FERMT2: variants seen among roughly 807,000 people sequenced by gnomAD.
The protein encoded by FERMT2 is FERM domain containing kindlin 2.
Under a neutral mutation model 82.7 loss-of-function variants are expected in FERMT2, and 15 were observed. That is an observed-to-expected ratio of 0.18 (90% confidence interval 0.12 to 0.28). The LOEUF is 0.28. Among genes scored for constraint, FERMT2 ranks in the 10% least tolerant of loss-of-function variants. The probability of loss-of-function intolerance (pLI) is 1.00; values close to 1 mark genes in which losing one functional copy is unlikely to be tolerated. For missense variants in FERMT2, 645 were observed against 809.4 expected (o/e 0.80, Z 2.46); for synonymous variants, 274 against 271.5 (o/e 1.01, Z -0.09).
chr14:52,860,858 G>A (rs1884885492), intron 12 of FERMT2: 1 of 661,758 alleles, frequency 1.5e-6, no homozygotes, highest in African/African-American at 1.9e-5. Context: ...GTTTCTAGCA[G>A]GAATATTTGT....
At chr14:52,938,819 G>A (rs1390658080) in intron 2 of FERMT2, among the ~76,000 whole-genome samples, 1 of 151,996 alleles carries the variant, frequency 6.6e-6, no homozygotes, top group Non-Finnish European at 1.5e-5. Context: ...GCCCATCTTG[G>A]CCTCCCTAAG....
intron 4 of FERMT2, among the ~76,000 whole-genome samples, chr14:52,890,048 G>T (rs984158909): frequency 6.6e-6 from 1 of 150,530 alleles, no homozygotes; most frequent in Non-Finnish European, 1.5e-5. Flanking sequence ...AGAATTGCCT[G>T]TATCTTGGCT....
At chr14:52,946,551 G>T (rs535892220) in intron 2 of FERMT2, among the ~76,000 whole-genome samples, 2 of 152,292 alleles carry the variant, frequency 1.3e-5, no homozygotes, top group African/African-American at 4.8e-5. Context: ...TACTCAGGAA[G>T]CTAAGGCAAG....
At chr14:52,873,292 C>A (rs1444498170) in intron 9 of FERMT2, among the ~76,000 whole-genome samples, 1 of 152,178 alleles carries the variant, frequency 6.6e-6, no homozygotes, top group Admixed American at 6.5e-5. Flanking sequence ...TAATTACCTG[C>A]AGGTTTATGG....
At chr14:52,899,123 G>T (rs955735423) in intron 3 of FERMT2, among the ~76,000 whole-genome samples, 1 of 152,036 alleles carries the variant, frequency 6.6e-6, no homozygotes, top group South Asian at 2.1e-4. Flanking sequence ...AGTAGATAAA[G>T]CAGTTCTTAA....
chr14:52,944,561 G>A (rs998637035), intron 2 of FERMT2, among the ~76,000 whole-genome samples: 4 of 152,118 alleles, frequency 2.6e-5, no homozygotes, highest in African/African-American at 7.2e-5. Context: ...TTTGTGTAAC[G>A]AAGCCCCTCA....
At chr14:52,860,288 A>C (rs1356201628) in intron 13 of FERMT2, 53 bp downstream of exon 13, 7 of 1,582,188 alleles carry the variant, frequency 4.4e-6, no homozygotes, top group East Asian at 2.2e-5. Flanking sequence ...CATGAGGTAG[A>C]TTAAGCAAAA....
chr14:52,898,022 A>G (rs1011123294), intron 3 of FERMT2, among the ~76,000 whole-genome samples: 2 of 151,760 alleles, frequency 1.3e-5, no homozygotes, highest in African/African-American at 4.8e-5. Flanking sequence ...CCACAAAGAA[A>G]GAAACACTGT....
At chr14:52,950,858 C>A (rs747599824) in intron 1 of FERMT2, 63 bp downstream of exon 1, 25 of 268,528 alleles carry the variant, frequency 9.3e-5, no homozygotes, top group Middle Eastern at 1.1e-3. Context: ...ACAGCGCGGG[C>A]TGACTCCCCG....
At chr14:52,864,998 T>C (rs1885182555) in intron 10 of FERMT2, 145 bp from the exon 11 acceptor site, 2 of 605,526 alleles carry the variant, frequency 3.3e-6, no homozygotes, top group Non-Finnish European at 5.9e-6. Context: ...GAAGGTAACA[T>C]ACACATATAC....
chr14:52,864,559 C>A lies in FERMT2; in HGVS notation c.1444G>T (p.Asp482Tyr). 6.2e-7 allele frequency: 1 copy of A among 1,614,154 alleles called. No homozygotes were observed. Among genetic ancestry groups the A allele is most frequent in the Non-Finnish European group, 8.5e-7 (1 of 1,180,016 alleles). ...RLASKGKTMA[D>Y]SSYNLEVQNI... ...TGAACTTCTAAGTTGTAAGAACTGT[C>A]CGCCATGGTCTTGCCTTTGGAGGCT... The change falls in exon 12 of 15, where the codon GAC becomes TAC. Residue 482 changes from aspartate (D) to tyrosine (Y), a missense_variant. By Grantham distance (160) the Asp-to-Tyr change is radical. Coordinates refer to ENST00000341590, the MANE Select transcript of FERMT2 (RefSeq NM_006832.3).
In FERMT2 at chr14:52,858,345, G is replaced by A. The variant is rs201224715; in HGVS notation, c.*32C>T. ...AGCTTTTAAAGTTAAATATTGTTAT[G>A]GCCGTGGAGTTTCATTAAACAGTAT... On this transcript the variant is annotated 3_prime_UTR_variant, in exon 15 of 15. Transcript: ENST00000341590. 530 of 1,564,536 alleles carry A rather than the reference G, an allele frequency of 3.4e-4. 2 individuals are homozygous for A. In the South Asian group the frequency reaches 4.1e-3, roughly 12 times the overall value.
intron 12 of FERMT2, chr14:52,863,114 C>T (rs1371916845): frequency 1.3e-5 from 2 of 152,132 alleles, no homozygotes; most frequent in Non-Finnish European, 2.9e-5. Context: ...TTTTAACTTA[C>T]AATCTACATT....
chr14:52,881,749 A>G (rs924746038), intron 4 of FERMT2: 7 of 1,336,530 alleles, frequency 5.2e-6, no homozygotes, highest in Non-Finnish European at 6.9e-6. Context: ...ATATAGCTGA[A>G]GCAGACAGAC....
In FERMT2 at chr14:52,919,325, G is replaced by A. The variant is rs748512642; in HGVS notation, c.189C>T (p.Leu63=). ...DVKKDWSDHA[L]WWEKKRTWLL... is the part of the protein sequence containing the mutation. Reference sequence around the variant, plus strand: ...GCCAAGTTCTCTTCTTTTCCCACCAGAGAGCATGGTCAGACCAATCTTTTT... The same window carrying A: ...GCCAAGTTCTCTTCTTTTCCCACCAAAGAGCATGGTCAGACCAATCTTTTT... Residue 63 remains leucine, a synonymous_variant, in exon 3 of 15, where the codon CTC becomes CTT. Transcript: ENST00000341590. The A allele has an allele frequency of 4.3e-6, 7 of 1,613,520 alleles. No homozygotes were observed. The highest frequency in any genetic ancestry group is 1.3e-5 in the African/African-American group (1 of 74,874).
chr14:52,872,755 T>G (rs966391462), intron 10 of FERMT2, 44 bp downstream of exon 10: 1 of 1,607,044 alleles, frequency 6.2e-7, no homozygotes, highest in East Asian at 2.2e-5. Context: ...ATTAGGCCAA[T>G]GGGGATGCCA....
intron 3 of FERMT2, among the ~76,000 whole-genome samples, chr14:52,916,364 G>GAA (rs142759296): frequency 4.3e-5 from 6 of 140,026 alleles, no homozygotes; most frequent in African/African-American, 1.3e-4. Context: ...AAGAAGAAAA[G>GAA]AAAAAAAAAA....
At position 52,865,276 on chromosome 14, in the gene FERMT2, G is replaced by A. The variant is rs192054085; in HGVS notation, c.1274-423C>T. ...GTGGAGGTTGCAGTGAGCTGAGATC[G>A]CACCGTTGCACTCCAGCCTGGGCAA... On this transcript the variant is annotated intron_variant, in intron 10 of 14. Transcript: ENST00000341590. Among the ~76,000 whole-genome samples, 845 of 152,256 alleles carry A rather than the reference G, an allele frequency of 5.5e-3. 4 individuals carry two copies. Among genetic ancestry groups the A allele is most frequent in the Non-Finnish European group, 8.7e-3 (594 of 68,008 alleles).
Position 52,859,564 on chromosome 14 carries a change from T to C in FERMT2, c.1869+9A>G, listed in dbSNP as rs537045234. On this transcript the variant is annotated intron_variant, in intron 14 of 14. Coordinates refer to ENST00000341590, the MANE Select transcript of FERMT2 (RefSeq NM_006832.3). Reference sequence around the variant, plus strand: ...GGACTATATTCAAGTAACATTGTTATGAGTTTACCATTTTGATTTCCCAGT... The same window carrying C: ...GGACTATATTCAAGTAACATTGTTACGAGTTTACCATTTTGATTTCCCAGT... 6 of 1,596,648 alleles carry C rather than the reference T, an allele frequency of 3.8e-6. No homozygotes were observed. Among genetic ancestry groups the C allele is most frequent in the South Asian group, 2.3e-5 (2 of 87,904 alleles).
Sources: allele counts gnomAD v4.1 joint callset (sites outside exome capture counted in the v4.1 genomes callset), GRCh38; gene constraint gnomAD v4.1.1; transcripts MANE v1.5; gene names NCBI Gene and HGNC (gene_info 2026-07-23, HGNC 2026-07-21).